Variants in SPPL3 observed in about 807,000 individuals in gnomAD.
The protein encoded by SPPL3 is signal peptide peptidase like 3.
In SPPL3, 5 loss-of-function variants were observed where a neutral mutation model predicts 42.4. The ratio of observed to expected loss-of-function variants is 0.12; its 90% confidence interval spans 0.06 to 0.25. The LOEUF (loss-of-function observed/expected upper bound fraction) is 0.25. Ranked by LOEUF, SPPL3 falls within the 10% of genes least tolerant of loss-of-function variation. SPPL3 has a pLI of 1.00. For synonymous variants in SPPL3, 195 were observed against 181.8 expected, an observed-to-expected ratio of 1.07 and a Z score of -0.58; for missense variants, 235 against 489.0, an observed-to-expected ratio of 0.48 and a Z score of 4.90.
chr12:120,881,976 A>C lies in SPPL3; in HGVS notation c.23+21869T>G, dbSNP rs769049471. Among the ~76,000 whole-genome samples, 27 of 152,032 alleles carry C rather than the reference A, an allele frequency of 1.8e-4. 1 individual carries two copies. Among genetic ancestry groups the C allele is most frequent in the Admixed American group, 1.6e-3 (25 of 15,256 alleles). On this transcript the variant is annotated intron_variant, in intron 1 of 10. Transcript: ENST00000353487. ...TCCGATTAAACTTATCTATGGTTTC[A>C]CCTTCCATGCAGTCAACCGTGGTCT...
At chr12:120,875,233 T>C (rs540848304) in intron 1 of SPPL3, among the ~76,000 whole-genome samples, 56 of 152,266 alleles carry the variant, frequency 3.7e-4, no homozygotes, top group Admixed American at 7.8e-4. Flanking sequence ...TGGTGGCCTT[T>C]TATGCCATGA....
At chr12:120,807,322 G>A (rs1870530548) in intron 2 of SPPL3, among the ~76,000 whole-genome samples, 1 of 151,778 alleles carries the variant, frequency 6.6e-6, no homozygotes. Flanking sequence ...TGGTTTAAAT[G>A]GTACATTTTA....
chr12:120,778,111 A>AAAT, intron 6 of SPPL3, among the ~76,000 whole-genome samples: 1 of 90,946 alleles, frequency 1.1e-5, no homozygotes, highest in South Asian at 4.2e-4. Context: ...CTGAAAAGCA[A>AAAT]TTTTTTTTTT....
chr12:120,854,428 A>T (rs753321455), intron 1 of SPPL3, among the ~76,000 whole-genome samples: 1 of 152,182 alleles, frequency 6.6e-6, no homozygotes, highest in East Asian at 1.9e-4. Flanking sequence ...CATACAATGG[A>T]GAAGTAAGCA....
intron 2 of SPPL3, among the ~76,000 whole-genome samples, chr12:120,806,584 CA>C (rs1870499081): frequency 6.6e-6 from 1 of 152,108 alleles, no homozygotes; most frequent in Non-Finnish European, 1.5e-5. Flanking sequence ...CGCGGTGGCT[CA>C]CGCCTGTAAT....
rs75855218 is a variant in SPPL3, at chr12:120,801,326, C to T, written c.101+9483G>A. Reference sequence around the variant, plus strand: ...CTCTCTCTCATAATCTGTCTCACCACCATAACCTGATTTACCACCATAACC... The same window carrying T: ...CTCTCTCTCATAATCTGTCTCACCATCATAACCTGATTTACCACCATAACC... On this transcript the variant is annotated intron_variant, in intron 2 of 10. Transcript: ENST00000353487. Among the ~76,000 whole-genome samples the T allele has an allele frequency of 3.4e-3, 517 of 152,330 alleles. 3 individuals are homozygous for T. The highest frequency in any genetic ancestry group is 0.012 in the African/African-American group (500 of 41,572).
At chr12:120,900,620 T>C (rs112542972) in intron 1 of SPPL3, among the ~76,000 whole-genome samples, 1 of 134,450 alleles carries the variant, frequency 7.4e-6, no homozygotes, top group South Asian at 2.3e-4. Context: ...AAAAGAGAGA[T>C]CAATTGCCGG....
intron 2 of SPPL3, among the ~76,000 whole-genome samples, chr12:120,794,542 C>T (rs771161926): frequency 2.6e-5 from 4 of 152,074 alleles, no homozygotes; most frequent in South Asian, 2.1e-4. Flanking sequence ...GGACTACAGG[C>T]GCATGCCACC....
chr12:120,817,575 C>T (rs1420131579), intron 1 of SPPL3, among the ~76,000 whole-genome samples: 2 of 152,150 alleles, frequency 1.3e-5, no homozygotes, highest in African/African-American at 2.4e-5. Context: ...AACTCTGGTT[C>T]GTTTATTCAA....
At chr12:120,892,746 A>G (rs1427350608) in intron 1 of SPPL3, among the ~76,000 whole-genome samples, 6 of 151,112 alleles carry the variant, frequency 4.0e-5, no homozygotes, top group East Asian at 4.0e-4. Flanking sequence ...ACTTTGGGAG[A>G]CCAAGGCGGG....
Position 120,767,450 on chromosome 12 carries a change from G to T in SPPL3, c.917C>A (p.Ser306Tyr). Residue 306 changes from serine to tyrosine, a missense_variant, in exon 9 of 11, where the codon TCC becomes TAC. Ser to Tyr is a moderately radical substitution (Grantham distance 144). Transcript: ENST00000353487. ...GTAGGAGACCTTCTGCATGCGCCCG[G>T]AGATGTTGGCAGGTCCAGGGGCCCC... ...SCGAPGPANI[S>Y]GRMQKVSYFH... is the part of the protein sequence containing the mutation. 1 of 1,614,108 alleles carries T rather than the reference G, an allele frequency of 6.2e-7. No homozygotes were observed. Among genetic ancestry groups the T allele is most frequent in the Non-Finnish European group, 8.5e-7 (1 of 1,180,038 alleles).
chr12:120,814,178 G>A (rs1395216506), intron 1 of SPPL3, among the ~76,000 whole-genome samples: 1 of 152,222 alleles, frequency 6.6e-6, no homozygotes, highest in African/African-American at 2.4e-5. Context: ...CAGGCTTTGA[G>A]ATGGTAAGAC....
At chr12:120,820,305 A>ATTT (rs754034719) in intron 1 of SPPL3, among the ~76,000 whole-genome samples, 154 of 139,002 alleles carry the variant, frequency 1.1e-3, no homozygotes, top group Non-Finnish European at 2.0e-3. Flanking sequence ...TCTTTCTCTA[A>ATTT]ATTTTTTTTT....
At chr12:120,809,270 A>G (rs969378182) in intron 2 of SPPL3, among the ~76,000 whole-genome samples, 6 of 152,042 alleles carry the variant, frequency 3.9e-5, no homozygotes, top group South Asian at 4.1e-4. Context: ...GCGTGGACCC[A>G]GGAGGTGGAG....
Position 120,769,079 on chromosome 12 carries a change from C to T in SPPL3, c.503-20G>A. 1.3e-6 allele frequency: 2 copies of T among 1,571,764 alleles called. No homozygotes were observed. Among genetic ancestry groups the T allele is most frequent in the Non-Finnish European group, 1.7e-6 (2 of 1,151,908 alleles). ...CCAGTGCTGGGGAGGAGACAGGGTA[C>T]AGCAGACAGCAGTCAGTGTGGACTC... On this transcript the variant is annotated intron_variant, in intron 6 of 10. Transcript: ENST00000353487.
chr12:120,781,714 G>A (rs538770890), intron 6 of SPPL3, among the ~76,000 whole-genome samples: 1 of 151,168 alleles, frequency 6.6e-6, no homozygotes, highest in South Asian at 2.1e-4. Flanking sequence ...CGAGTAGCTG[G>A]GACTACAGGT....
intron 2 of SPPL3, among the ~76,000 whole-genome samples, chr12:120,809,956 AT>A (rs1870629146): frequency 6.6e-6 from 1 of 150,744 alleles, no homozygotes; most frequent in African/African-American, 2.5e-5. Context: ...ACTTACAAGC[AT>A]TTTAGGACAA....
intron 10 of SPPL3, 78 bp from the exon 11 acceptor site, chr12:120,765,148 A>T (rs981947099): frequency 3.9e-5 from 57 of 1,458,382 alleles, no homozygotes; most frequent in African/African-American, 2.5e-4. Flanking sequence ...AAAAAAAAAA[A>T]ATTTTTTTTC....
chr12:120,877,845 T>C (rs1873154915), intron 1 of SPPL3, among the ~76,000 whole-genome samples: 1 of 150,116 alleles, frequency 6.7e-6, no homozygotes, highest in African/African-American at 2.4e-5. Context: ...AATGCAGGGC[T>C]GGTTTAATAT....
Sources: allele counts gnomAD v4.1 joint callset (sites outside exome capture counted in the v4.1 genomes callset), GRCh38; gene constraint gnomAD v4.1.1; transcripts MANE v1.5; gene names NCBI Gene and HGNC (gene_info 2026-07-23, HGNC 2026-07-21).